Variants in EYS observed in about 807,000 individuals in gnomAD.
EYS encodes the protein protein eyes shut homolog.
In EYS, 250 loss-of-function variants were observed where a neutral mutation model predicts 282.1. The observed-to-expected ratio is 0.89, with a 90% confidence interval of 0.80 to 0.98. The LOEUF (loss-of-function observed/expected upper bound fraction) is 0.98, where lower values mean the gene tolerates loss of function less well. Among genes scored for constraint, EYS ranks in the 50% least tolerant of loss-of-function variants. The pLI is 0.00. For synonymous variants in EYS, 1,355 were observed against 1,282.9 expected (o/e 1.06, Z -1.20); for missense variants, 4,016 against 3,709.0 (o/e 1.08, Z -2.15).
intron 29 of EYS, among the ~76,000 whole-genome samples, chr6:64,384,752 A>C (rs1772856595): frequency 6.6e-6 from 1 of 152,178 alleles, no homozygotes; most frequent in Admixed American, 6.5e-5. Context: ...AGTTATCATC[A>C]TTTATGGTCA....
intron 31 of EYS, among the ~76,000 whole-genome samples, chr6:64,090,191 C>T (rs1159549042): frequency 6.6e-6 from 1 of 152,058 alleles, no homozygotes; most frequent in Non-Finnish European, 1.5e-5. Flanking sequence ...TAATAGCTAC[C>T]ATTCTCTCTC....
chr6:64,126,281 A>T (rs951758511), intron 31 of EYS, among the ~76,000 whole-genome samples: 5 of 144,826 alleles, frequency 3.5e-5, no homozygotes, highest in Admixed American at 1.4e-4. Flanking sequence ...ACTATTCACA[A>T]TAGCGAAGAC....
chr6:63,950,983 C>A (rs1372129119), intron 35 of EYS, among the ~76,000 whole-genome samples: 1 of 152,048 alleles, frequency 6.6e-6, no homozygotes, highest in African/African-American at 2.4e-5. Flanking sequence ...GATTATTCAC[C>A]GACATTTCAG....
intron 35 of EYS, among the ~76,000 whole-genome samples, chr6:63,972,153 T>C (rs1327298131): frequency 6.6e-6 from 1 of 152,234 alleles, no homozygotes; most frequent in Non-Finnish European, 1.5e-5. Flanking sequence ...TTAGTTTAGT[T>C]ACTTCTAAGC....
intron 33 of EYS, among the ~76,000 whole-genome samples, chr6:64,031,672 T>G (rs1582168873): frequency 6.6e-6 from 1 of 152,158 alleles, no homozygotes; most frequent in South Asian, 2.1e-4. Context: ...TAGCTCAGGG[T>G]TTGTGAATGC....
intron 36 of EYS, among the ~76,000 whole-genome samples, chr6:63,827,386 C>A (rs1260893698): frequency 6.6e-6 from 1 of 152,154 alleles, no homozygotes; most frequent in Admixed American, 6.5e-5. Flanking sequence ...AGTCAACAAA[C>A]AATGGATTTG....
intron 5 of EYS, among the ~76,000 whole-genome samples, chr6:65,447,944 G>A (rs1768738625): frequency 1.3e-5 from 2 of 152,064 alleles, no homozygotes; most frequent in African/African-American, 4.8e-5. Flanking sequence ...AAGATAGGAT[G>A]CTCAGTTTGC....
intron 12 of EYS, among the ~76,000 whole-genome samples, chr6:65,204,918 CTTTATATATTCTAGAAGAATAT>C (rs1228958530): frequency 0.035 from 4,617 of 131,190 alleles, 439 homozygotes; most frequent in African/African-American, 0.082. Flanking sequence ...TTTATATATT[CTTTATATATTCTAGAAGAATAT>C]ATTTATATAT....
intron 13 of EYS, among the ~76,000 whole-genome samples, chr6:65,010,390 G>T (rs1366014717): frequency 6.6e-6 from 1 of 152,186 alleles, no homozygotes; most frequent in South Asian, 2.1e-4. Context: ...TTAAATATCA[G>T]GCTCTATTAC....
At chr6:65,245,041 CATT>C (rs1473997201) in intron 12 of EYS, among the ~76,000 whole-genome samples, 1 of 152,158 alleles carries the variant, frequency 6.6e-6, no homozygotes, top group African/African-American at 2.4e-5. Context: ...CTGCTGCTCA[CATT>C]ATTAAATGTT....
At chr6:64,810,660 C>T (rs114398107) in intron 22 of EYS, among the ~76,000 whole-genome samples, 1 of 151,878 alleles carries the variant, frequency 6.6e-6, no homozygotes, top group African/African-American at 2.4e-5. Flanking sequence ...TAAGAGCAAG[C>T]CTATGGAATA....
intron 5 of EYS, among the ~76,000 whole-genome samples, chr6:65,482,168 A>G (rs1006209525): frequency 6.6e-6 from 1 of 152,194 alleles, no homozygotes; most frequent in Non-Finnish European, 1.5e-5. Context: ...AATGCTACAA[A>G]ATAAAGTTTG....
chr6:65,309,992 T>C (rs1223940248), intron 11 of EYS, among the ~76,000 whole-genome samples: 1 of 152,186 alleles, frequency 6.6e-6, no homozygotes, highest in Non-Finnish European at 1.5e-5. Flanking sequence ...TCAGTATGCA[T>C]TGGATCACAA....
chr6:65,617,925 G>A (rs1301639115), intron 2 of EYS, among the ~76,000 whole-genome samples: 9 of 151,970 alleles, frequency 5.9e-5, no homozygotes, highest in Non-Finnish European at 1.0e-4. Context: ...GTGTATATGT[G>A]CCACATTTTC....
chr6:65,663,068 A>C (rs1181355073), intron 1 of EYS, among the ~76,000 whole-genome samples: 1 of 152,212 alleles, frequency 6.6e-6, no homozygotes, highest in South Asian at 2.1e-4. Context: ...CAGCTCAAAG[A>C]AGCAGCAGCT....
At chr6:63,730,910 A>G (rs530136744) in intron 41 of EYS, among the ~76,000 whole-genome samples, 2 of 152,210 alleles carry the variant, frequency 1.3e-5, no homozygotes, top group Non-Finnish European at 2.9e-5. Flanking sequence ...AGCCCCAGCT[A>G]TTCAGGAGGC....
At chr6:64,668,874 C>T (rs546962386) in intron 22 of EYS, among the ~76,000 whole-genome samples, 1 of 152,058 alleles carries the variant, frequency 6.6e-6, no homozygotes, top group Non-Finnish European at 1.5e-5. Flanking sequence ...GCCGCTAGTA[C>T]CATAATTCTT....
chr6:63,948,164 G>A (rs1765454439), intron 35 of EYS, among the ~76,000 whole-genome samples: 1 of 152,156 alleles, frequency 6.6e-6, no homozygotes, highest in Non-Finnish European at 1.5e-5. Context: ...TTGTATTAGA[G>A]CTTCTAGGCT....
intron 31 of EYS, among the ~76,000 whole-genome samples, chr6:64,195,130 C>T (rs751081198): frequency 5.9e-5 from 9 of 151,966 alleles, no homozygotes; most frequent in Non-Finnish European, 1.0e-4. Context: ...TTAAGCATCA[C>T]TGTTTTTTGC....
Sources: gnomAD v4.1 joint callset for allele counts (sites outside exome capture counted in the v4.1 genomes callset) on GRCh38, gnomAD v4.1.1 for gene constraint, MANE v1.5 for transcripts, NCBI Gene and HGNC (gene_info 2026-07-23, HGNC 2026-07-21) for gene names.